Variants in ANKRD17 observed in about 807,000 individuals in gnomAD.
ANKRD17 encodes ankyrin repeat domain 17.
In ANKRD17, 19 loss-of-function variants were observed where a neutral mutation model predicts 229.7. The ratio of observed to expected loss-of-function variants is 0.08; its 90% CI spans 0.06 to 0.12. ANKRD17 has a LOEUF of 0.12. ANKRD17 is among the 10% of genes least tolerant of loss of function. ANKRD17 has a pLI of 1.00. For missense variants in ANKRD17, 2,176 were observed against 3,176.8 expected (o/e 0.68, Z 7.57); for synonymous variants, 1,112 against 1,146.1 (o/e 0.97, Z 0.60).
At position 73,091,513 on chromosome 4, in the gene ANKRD17, G is replaced by C; in HGVS notation, c.6115C>G (p.Pro2039Ala). 1 of 1,614,182 alleles carries C rather than the reference G, an allele frequency of 6.2e-7. No individual in the cohort carries two copies. Among genetic ancestry groups the C allele is most frequent in the Non-Finnish European group, 8.5e-7 (1 of 1,180,038 alleles). Residue 2039 changes from proline (P) to alanine (A), a missense_variant, in exon 29 of 34, where the codon CCA becomes GCA. Pro to Ala is a conservative substitution (Grantham distance 27, BLOSUM62 -1). Transcript: ENST00000358602. Reference protein sequence around the residue: ...YPMPTAKEHYPVSSPSSPSPP... With the variant: ...YPMPTAKEHYAVSSPSSPSPP... ...GATGGGGAAGATGGGGATGATACTG[G>C]ATAGTGTTCTTTGGCAGTAGGCATA... is the stretch of plus-strand genomic sequence containing the variant.
At chr4:73,093,753 T>C (rs1232837173) in intron 28 of ANKRD17, among the ~76,000 whole-genome samples, 1 of 152,202 alleles carries the variant, frequency 6.6e-6, no homozygotes, top group Non-Finnish European at 1.5e-5. Context: ...ACCCACTGCT[T>C]AAAATGTTAG....
intron 1 of ANKRD17, among the ~76,000 whole-genome samples, chr4:73,243,411 G>A (rs1487815469): frequency 6.6e-6 from 1 of 152,190 alleles, no homozygotes; most frequent in Non-Finnish European, 1.5e-5. Context: ...TAGTGGAGAA[G>A]GAGAGAAGGA....
At chr4:73,078,333 T>G (rs1721209178) in intron 31 of ANKRD17, among the ~76,000 whole-genome samples, 1 of 151,408 alleles carries the variant, frequency 6.6e-6, no homozygotes, top group Non-Finnish European at 1.5e-5. Context: ...GCAGAGATTG[T>G]GCCGCTGCAG....
intron 1 of ANKRD17, among the ~76,000 whole-genome samples, chr4:73,219,916 T>C (rs1414769480): frequency 7.2e-5 from 11 of 152,154 alleles, no homozygotes; most frequent in Admixed American, 7.2e-4. Flanking sequence ...TCTGTGAAGA[T>C]TTCTTATTAC....
In ANKRD17 at chr4:73,110,081, T is replaced by C. The variant is rs140196882; in HGVS notation, c.4401+3711A>G. On this transcript the variant is annotated intron_variant, in intron 24 of 33. Coordinates refer to ENST00000358602, the MANE Select transcript of ANKRD17 (RefSeq NM_032217.5). ...ATGAAGTGAAGGGGGTAAAAAAAGG[T>C]AGAGGAAAAAAACTAAAATGAAGTG... 1.6e-4 allele frequency among the ~76,000 whole-genome samples: 14 copies of C among 86,030 alleles called. No individual in the cohort carries two copies. In the East Asian group the frequency reaches 4.4e-3, roughly 27 times the overall value. 56.4% of individuals were successfully genotyped at this position (86,030 alleles called of 152,430 possible).
chr4:73,142,779 A>G lies in ANKRD17; in HGVS notation c.1958-12T>C. 6.3e-7 allele frequency: 1 copy of G among 1,592,502 alleles called. No homozygotes were observed. On this transcript the variant is annotated splice_polypyrimidine_tract_variant and intron_variant, in intron 11 of 33. Transcript: ENST00000358602. ...ATTCACATTCGCTCCTAAAACAGAA[A>G]AGGCATGGAAAATCATATTAGTAGA...
intron 10 of ANKRD17, among the ~76,000 whole-genome samples, chr4:73,145,734 T>C (rs1319036054): frequency 6.6e-6 from 1 of 152,164 alleles, no homozygotes; most frequent in Non-Finnish European, 1.5e-5. Context: ...GAAGCACTTA[T>C]TATATACGTT....
intron 25 of ANKRD17, chr4:73,098,884 T>G: frequency 7.8e-7 from 1 of 1,284,502 alleles, no homozygotes; most frequent in Non-Finnish European, 1.1e-6. Context: ...TGGACAGCAC[T>G]GAGAAGCGGG....
At chr4:73,234,574 G>GAAC (rs765772617) in intron 1 of ANKRD17, among the ~76,000 whole-genome samples, 1 of 152,168 alleles carries the variant, frequency 6.6e-6, no homozygotes, top group Non-Finnish European at 1.5e-5. Flanking sequence ...TTAAATGGAA[G>GAAC]AACAGTACAA....
At position 73,258,685 on chromosome 4, in the gene ANKRD17, A is replaced by C. The variant is rs1210728557; in HGVS notation, c.-17T>G. 1.4e-6 allele frequency: 2 copies of C among 1,450,580 alleles called. No individual in the cohort carries two copies. The highest frequency in any genetic ancestry group is 5.4e-5 in the Admixed American group (2 of 36,920). The allele number at this position is 1,450,580 out of a possible 1,614,324, so 89.9% of individuals were successfully genotyped here. ...CTTCTCCATCCCCAGGGAAAGAGGG[A>C]GGGCGCGGACGGGGGAGGGGCGTGG... On this transcript the variant is annotated 5_prime_UTR_variant, in exon 1 of 34. Coordinates refer to ENST00000358602, the MANE Select transcript of ANKRD17 (RefSeq NM_032217.5).
In ANKRD17 at chr4:73,156,207, A is replaced by G. The variant is rs187229356; in HGVS notation, c.705-41T>C. 25 of 1,540,886 alleles carry G rather than the reference A, an allele frequency of 1.6e-5. No individual in the cohort carries two copies. In the Admixed American group the frequency reaches 4.6e-4, roughly 28 times the overall value. On this transcript the variant is annotated intron_variant, in intron 3 of 33. Coordinates refer to ENST00000358602, the MANE Select transcript of ANKRD17 (RefSeq NM_032217.5). ...TATCACAATACCAGAATATAAGAAT[A>G]TTAAAAAATTGCACAGCATAAATAT... is the stretch of plus-strand genomic sequence containing the variant.
chr4:73,078,659 C>G lies in ANKRD17; in HGVS notation c.7391G>C (p.Gly2464Ala). The G allele has an allele frequency of 6.2e-7, 1 of 1,614,086 alleles. No individual in the cohort carries two copies. Among genetic ancestry groups the G allele is most frequent in the East Asian group, 2.2e-5 (1 of 44,890 alleles). Residue 2464 changes from glycine (G) to alanine (A), a missense_variant, in exon 31 of 34, where the codon GGG (glycine) becomes GCG (alanine). This residue lies in a region of ANKRD17 where 159 missense variants were observed against 214.3 expected (regional missense o/e 0.74). Transcript: ENST00000358602. Reference sequence around the variant, plus strand: ...TATCCTACCTTGATTGCCACCAATCCCTTCAAAGGACCAGATGCCACTATG... The same window carrying G: ...TATCCTACCTTGATTGCCACCAATCGCTTCAAAGGACCAGATGCCACTATG... The part of the protein sequence containing the change: ...VGHSGIWSFE[G>A]IGGNQDKVDW...
At chr4:73,173,632 T>A (rs1234114747) in intron 2 of ANKRD17, among the ~76,000 whole-genome samples, 1 of 152,078 alleles carries the variant, frequency 6.6e-6, no homozygotes, top group South Asian at 2.1e-4. Context: ...TAACTGTGAG[T>A]TCCCAAAGTA....
intron 1 of ANKRD17, among the ~76,000 whole-genome samples, chr4:73,223,660 G>A (rs1742143928): frequency 6.6e-6 from 1 of 152,140 alleles, no homozygotes; most frequent in South Asian, 2.1e-4. Flanking sequence ...TACAGTTACT[G>A]AAGCAAGCTA....
In ANKRD17 at chr4:73,141,748, C is replaced by T. The variant is rs773747772; in HGVS notation, c.2325G>A (p.Arg775=). The change falls in exon 14 of 34, where the codon AGG becomes AGA. Residue 775 remains arginine (R), a synonymous_variant. Transcript: ENST00000358602. ...TTTAGAAGTATAACTGACCTTTATT[C>T]CTGATGGGAAGAGTGGTGGCAACAT... ...PANVATTLPI[R]NKAASKQKSS... The T allele has an allele frequency of 6.2e-7, 1 of 1,613,302 alleles. No individual in the cohort carries two copies. The highest frequency in any genetic ancestry group is 1.1e-5 in the South Asian group (1 of 91,058).
At chr4:73,118,653 AAAC>A (rs776201539) in intron 22 of ANKRD17, 32 bp downstream of exon 22, 1 of 1,610,678 alleles carries the variant, frequency 6.2e-7, no homozygotes, top group African/African-American at 1.3e-5. Flanking sequence ...GTAAGTAAAA[AAAC>A]ATCCAGGTAA....
chr4:73,153,873 A>G lies in ANKRD17; in HGVS notation c.1234+7T>C. ...AAACTTTGTTTTAAGAAAGGTTTAT[A>G]CTGTACCTTTGTAACAAGCTAAGGT... On this transcript the variant is annotated splice_region_variant and intron_variant, in intron 6 of 33. Coordinates refer to ENST00000358602, the MANE Select transcript of ANKRD17 (RefSeq NM_032217.5). 5 of 1,553,410 alleles carry G rather than the reference A, an allele frequency of 3.2e-6. No individual in the cohort carries two copies. The highest frequency in any genetic ancestry group is 4.4e-6 in the Non-Finnish European group (5 of 1,148,474).
intron 1 of ANKRD17, among the ~76,000 whole-genome samples, chr4:73,222,553 C>A (rs919182079): frequency 3.3e-5 from 5 of 151,950 alleles, no homozygotes; most frequent in Non-Finnish European, 5.9e-5. Flanking sequence ...CTAAAATAAC[C>A]GTTTTTAATA....
At chr4:73,094,457 TTTG>T (rs1483639255) in intron 27 of ANKRD17, among the ~76,000 whole-genome samples, 2 of 152,152 alleles carry the variant, frequency 1.3e-5, no homozygotes, top group African/African-American at 2.4e-5. Context: ...GATTGTTTGC[TTTG>T]TTGATTATCA....
Sources: allele counts gnomAD v4.1 joint callset (sites outside exome capture counted in the v4.1 genomes callset), GRCh38; gene constraint gnomAD v4.1.1; regional missense constraint gnomAD v4.1.1; transcripts MANE v1.5; gene names NCBI Gene and HGNC (gene_info 2026-07-23, HGNC 2026-07-21).